The following ZNF385C variants were observed in gnomAD, a reference collection of about 807,000 sequenced individuals.
ZNF385C encodes CTD-2132N18.2.
Under a neutral mutation model 35.4 loss-of-function variants are expected in ZNF385C, and 28 were observed. The ratio of observed to expected loss-of-function variants is 0.79; its 90% confidence interval spans 0.59 to 1.08. The LOEUF is 1.08. Ranked by LOEUF, ZNF385C falls within the 50% of genes least tolerant of loss-of-function variation. The pLI is 0.00. For missense variants in ZNF385C, 605 were observed against 595.6 expected, an observed-to-expected ratio of 1.02 and a Z score of -0.16; for synonymous variants, 248 against 248.2, an observed-to-expected ratio of 1.00 and a Z score of 0.01.
intron 5 of ZNF385C, 140 bp from the exon 6 acceptor site, chr17:42,029,213 C>T (rs2052671508): frequency 9.8e-7 from 1 of 1,021,134 alleles, no homozygotes; most frequent in African/African-American, 1.6e-5. Flanking sequence ...TACCAACTCA[C>T]TGGGCAGACT....
chr17:42,069,572 G>T (rs1357748473), intron 1 of ZNF385C, among the ~76,000 whole-genome samples: 1 of 152,238 alleles, frequency 6.6e-6, no homozygotes, highest in Non-Finnish European at 1.5e-5. Flanking sequence ...CTTTGGCAGA[G>T]CATGAAGGGT....
intron 1 of ZNF385C, among the ~76,000 whole-genome samples, chr17:42,071,380 C>A (rs1253551440): frequency 7.9e-5 from 12 of 152,070 alleles, no homozygotes; most frequent in African/African-American, 2.9e-4. Context: ...CACTGTCCCC[C>A]ACCGCCTCCC....
chr17:42,092,038 A>G (rs11869878), intron 1 of ZNF385C, among the ~76,000 whole-genome samples: 4,589 of 152,280 alleles, frequency 0.03, 147 homozygotes, highest in African/African-American at 0.082. Context: ...GTTCCAGTCC[A>G]GGTTCTGCTA....
At chr17:42,052,357 C>T (rs1308673082) in intron 2 of ZNF385C, among the ~76,000 whole-genome samples, 2 of 152,120 alleles carry the variant, frequency 1.3e-5, no homozygotes, top group Non-Finnish European at 2.9e-5. Context: ...CACACACGAG[C>T]ACAGAGACAC....
chr17:42,077,624 G>A (rs1555659374), intron 1 of ZNF385C, among the ~76,000 whole-genome samples: 1 of 152,218 alleles, frequency 6.6e-6, no homozygotes. Context: ...CCCAGCTGAA[G>A]CAAAGCCTGT....
At chr17:42,084,761 C>T (rs2053787966) in intron 1 of ZNF385C, among the ~76,000 whole-genome samples, 2 of 151,980 alleles carry the variant, frequency 1.3e-5, no homozygotes, top group African/African-American at 4.8e-5. Flanking sequence ...CAGGCATACA[C>T]CACCATGCCC....
At chr17:42,070,083 G>A (rs1416577601) in intron 1 of ZNF385C, among the ~76,000 whole-genome samples, 3 of 151,934 alleles carry the variant, frequency 2.0e-5, no homozygotes, top group South Asian at 2.1e-4. Context: ...GGTGGCTCAC[G>A]CCTGTAATCC....
chr17:42,074,856 T>C (rs1211438718), intron 1 of ZNF385C, among the ~76,000 whole-genome samples: 1 of 152,218 alleles, frequency 6.6e-6, no homozygotes, highest in East Asian at 1.9e-4. Flanking sequence ...TTGTTCAGAC[T>C]TGGAAGGGAT....
At chr17:42,075,053 T>G (rs2053669809) in intron 1 of ZNF385C, among the ~76,000 whole-genome samples, 1 of 152,216 alleles carries the variant, frequency 6.6e-6, no homozygotes, top group Admixed American at 6.5e-5. Flanking sequence ...GTAGATCTGC[T>G]GCCTGGTAAC....
At position 42,028,114 on chromosome 17, in the gene ZNF385C, G is replaced by A; in HGVS notation, c.1100C>T (p.Pro367Leu). 1.2e-6 allele frequency: 2 copies of A among 1,613,036 alleles called. No individual in the cohort carries two copies. The highest frequency in any genetic ancestry group is 8.5e-7 in the Non-Finnish European group (1 of 1,179,648). The change falls in exon 7 of 9, where the codon CCC becomes CTC. Residue 367 changes from proline (P) to leucine (L), a missense_variant. Physicochemically the swap from Pro to Leu is moderately conservative, Grantham distance 98. Transcript: ENST00000692273. Reference protein sequence around the residue: ...VTGGRGGRQGPSPAFHCALCQ... With the variant: ...VTGGRGGRQGLSPAFHCALCQ... The stretch of plus-strand genomic sequence containing the variant: ...GAGAGCACAGTGGAAGGCAGGGCTG[G>A]GCCCCTGCCGGCCGCCCCGGCCCCC...
intron 3 of ZNF385C, among the ~76,000 whole-genome samples, chr17:42,035,305 A>G (rs1341406154): frequency 1.3e-5 from 2 of 151,664 alleles, no homozygotes; most frequent in Non-Finnish European, 2.9e-5. Context: ...TCACCTTGGC[A>G]TCTCTTGGTG....
At chr17:42,060,253 C>G (rs2053440965) in intron 2 of ZNF385C, among the ~76,000 whole-genome samples, 1 of 152,194 alleles carries the variant, frequency 6.6e-6, no homozygotes. Context: ...GACAGTTCTG[C>G]TAAAGAAAAG....
chr17:42,040,383 G>C (rs550250566), intron 2 of ZNF385C: 141 of 1,231,838 alleles, frequency 1.1e-4, no homozygotes, highest in Non-Finnish European at 1.4e-4. Flanking sequence ...GGAAGCCCTG[G>C]AGGCGGGCCC....
intron 1 of ZNF385C, among the ~76,000 whole-genome samples, chr17:42,087,428 A>C (rs1555660210): frequency 6.6e-6 from 1 of 152,226 alleles, no homozygotes; most frequent in African/African-American, 2.4e-5. Flanking sequence ...TATGACCAAA[A>C]GAAAAAACTT....
At chr17:42,071,986 C>T (rs1348336353) in intron 1 of ZNF385C, among the ~76,000 whole-genome samples, 1 of 152,198 alleles carries the variant, frequency 6.6e-6, no homozygotes, top group Non-Finnish European at 1.5e-5. Context: ...CCCCCCATGC[C>T]CCTTGCTGAA....
Position 42,045,482 on chromosome 17 carries a change from G to A in ZNF385C, c.251-7597C>T, listed in dbSNP as rs533248170. On this transcript the variant is annotated intron_variant, in intron 2 of 8. Transcript: ENST00000692273. ...CAACGATCCAGGGTCAGACCCAGAT[G>A]ACTCTCTGTGGCTGAGATATTATCC... Among the ~76,000 whole-genome samples, 36 of 152,358 alleles carry A rather than the reference G, an allele frequency of 2.4e-4. No homozygotes were observed. The South Asian group carries it at 7.5e-3, about 32-fold the overall frequency.
intron 2 of ZNF385C, chr17:42,040,537 G>T: frequency 8.1e-7 from 1 of 1,232,990 alleles, no homozygotes; most frequent in Non-Finnish European, 1.0e-6. Context: ...GTGGGTGAAG[G>T]CCACGAAGGT....
intron 1 of ZNF385C, among the ~76,000 whole-genome samples, chr17:42,070,427 CAG>C (rs2053608081): frequency 6.6e-6 from 1 of 152,170 alleles, no homozygotes; most frequent in South Asian, 2.1e-4. Flanking sequence ...AGTGGCCACA[CAG>C]AGCCGCTACT....
chr17:42,044,727 C>T (rs1406674674), intron 2 of ZNF385C, among the ~76,000 whole-genome samples: 1 of 152,086 alleles, frequency 6.6e-6, no homozygotes, highest in Non-Finnish European at 1.5e-5. Context: ...GGTGAACACA[C>T]ACTCACACTC....
Sources: gnomAD v4.1 joint callset for allele counts (sites outside exome capture counted in the v4.1 genomes callset) on GRCh38, gnomAD v4.1.1 for gene constraint, MANE v1.5 for transcripts, NCBI Gene and HGNC (gene_info 2026-07-23, HGNC 2026-07-21) for gene names.